The following JMJD1C variants were observed in gnomAD, a reference collection of about 807,000 sequenced individuals.
JMJD1C encodes the protein jumonji domain-containing protein 1C.
Under a neutral mutation model 245.3 loss-of-function variants are expected in JMJD1C, and 31 were observed. The ratio of observed to expected loss-of-function variants is 0.13; its 90% CI spans 0.09 to 0.17. The LOEUF (loss-of-function observed/expected upper bound fraction) is 0.17, where lower values mean the gene tolerates loss of function less well. Among genes scored for constraint, JMJD1C ranks in the 10% least tolerant of loss-of-function variants. The pLI, the probability that JMJD1C is intolerant of heterozygous loss-of-function variation, is 1.00. For missense variants in JMJD1C, 2,691 were observed against 3,000.2 expected (o/e 0.90, Z 2.41); for synonymous variants, 1,057 against 1,017.4 (o/e 1.04, Z -0.74).
At chr10:63,250,979 G>C (rs1199135197) in intron 3 of JMJD1C, among the ~76,000 whole-genome samples, 1 of 152,172 alleles carries the variant, frequency 6.6e-6, no homozygotes, top group East Asian at 1.9e-4. Flanking sequence ...CTAGCCTCAA[G>C]TGATCCTCCT....
chr10:63,283,618 C>T (rs1298175417), intron 2 of JMJD1C, among the ~76,000 whole-genome samples: 1 of 152,120 alleles, frequency 6.6e-6, no homozygotes, highest in African/African-American at 2.4e-5. Flanking sequence ...GCACCCACCT[C>T]GGCCTCCCGA....
At chr10:63,269,587 A>T (rs527237250) in intron 2 of JMJD1C, among the ~76,000 whole-genome samples, 1 of 152,364 alleles carries the variant, frequency 6.6e-6, no homozygotes, top group African/African-American at 2.4e-5. Flanking sequence ...CGATTTATTT[A>T]TTAGTATAAC....
At chr10:63,213,111 G>C (rs901504455) in intron 8 of JMJD1C, among the ~76,000 whole-genome samples, 4 of 150,256 alleles carry the variant, frequency 2.7e-5, no homozygotes, top group African/African-American at 9.8e-5. Context: ...GCTTGAACCT[G>C]GGAGGCAGAG....
At chr10:63,397,896 CATAA>C (rs1017362003) in intron 1 of JMJD1C, among the ~76,000 whole-genome samples, 1 of 152,204 alleles carries the variant, frequency 6.6e-6, no homozygotes, top group Non-Finnish European at 1.5e-5. Flanking sequence ...AATTAAAGTT[CATAA>C]ATAATTATTC....
intron 1 of JMJD1C, among the ~76,000 whole-genome samples, chr10:63,448,266 C>G (rs1450677808): frequency 3.3e-5 from 5 of 152,158 alleles, no homozygotes; most frequent in African/African-American, 1.2e-4. Flanking sequence ...ATGGGATTCT[C>G]TTGCCTCAGC....
At chr10:63,200,231 GAATA>G (rs1381242483) in intron 11 of JMJD1C, among the ~76,000 whole-genome samples, 3 of 152,058 alleles carry the variant, frequency 2.0e-5, no homozygotes, top group Non-Finnish European at 4.4e-5. Flanking sequence ...TTCTCATTAA[GAATA>G]AATCTCTCAG....
rs1842860255 is a variant in JMJD1C at position 63,176,360 on chromosome 10, T to A, written c.7338A>T (p.Arg2446Ser). The A allele has an allele frequency of 6.2e-7, 1 of 1,614,062 alleles. No individual in the cohort carries two copies. The highest frequency in any genetic ancestry group is 1.1e-5 in the South Asian group (1 of 91,082). Reference protein sequence around the residue: ...RQRLLEEYGVRTCTLIQFLGD... With the variant: ...RQRLLEEYGVSTCTLIQFLGD... ...CAAGGAACTGAATAAGAGTACAGGT[T>A]CTGACTCCATATTCTTCAAGCAGCC... is the stretch of plus-strand genomic sequence containing the variant. Residue 2446 changes from arginine (R) to serine (S), a missense_variant, in exon 24 of 26, where the codon AGA (arginine) becomes AGT (serine). Around this residue, in one of 9 missense-constraint regions of JMJD1C, gnomAD observed 232 missense variants for 416.1 expected, o/e 0.56. Transcript: ENST00000399262.
At chr10:63,271,040 TCA>T (rs923250560) in intron 2 of JMJD1C, among the ~76,000 whole-genome samples, 6 of 152,196 alleles carry the variant, frequency 3.9e-5, no homozygotes, top group African/African-American at 1.4e-4. Flanking sequence ...TGAAATGGTT[TCA>T]GTTTTATTGT....
At chr10:63,511,331 A>G (rs969285455) in intron 1 of JMJD1C, among the ~76,000 whole-genome samples, 5 of 152,160 alleles carry the variant, frequency 3.3e-5, no homozygotes, top group South Asian at 4.1e-4. Flanking sequence ...TGGCATATTG[A>G]TTATACAGTT....
intron 5 of JMJD1C, among the ~76,000 whole-genome samples, chr10:63,216,651 A>G (rs1848017699): frequency 6.6e-6 from 1 of 152,184 alleles, no homozygotes; most frequent in South Asian, 2.1e-4. Context: ...TGGAGCTTAC[A>G]GTGAGCCGAG....
chr10:63,294,288 T>C (rs1484179205), intron 2 of JMJD1C, among the ~76,000 whole-genome samples: 1 of 151,970 alleles, frequency 6.6e-6, no homozygotes, highest in Admixed American at 6.6e-5. Context: ...AATCTTTTTT[T>C]TTTTTTTAAT....
chr10:63,385,580 G>C (rs1351717917), intron 1 of JMJD1C, among the ~76,000 whole-genome samples: 1 of 151,394 alleles, frequency 6.6e-6, no homozygotes, highest in African/African-American at 2.4e-5. Context: ...TGGGACTACA[G>C]GTGCATGTTA....
intron 2 of JMJD1C, among the ~76,000 whole-genome samples, chr10:63,348,583 AG>A (rs1287282490): frequency 6.6e-6 from 1 of 152,186 alleles, no homozygotes; most frequent in African/African-American, 2.4e-5. Flanking sequence ...GGAGATAATA[AG>A]GATGTTGTGA....
intron 3 of JMJD1C, among the ~76,000 whole-genome samples, chr10:63,228,861 T>C (rs1849620630): frequency 6.6e-6 from 1 of 152,198 alleles, no homozygotes; most frequent in Non-Finnish European, 1.5e-5. Flanking sequence ...CCTGATTTAT[T>C]CTGGACAATG....
chr10:63,438,227 G>GA (rs888519356), intron 1 of JMJD1C, among the ~76,000 whole-genome samples: 3 of 151,608 alleles, frequency 2.0e-5, no homozygotes, highest in Non-Finnish European at 2.9e-5. Flanking sequence ...ATTCTCATCT[G>GA]AAAAAAAATG....
chr10:63,371,518 T>G (rs192434728), intron 2 of JMJD1C, among the ~76,000 whole-genome samples: 3 of 152,184 alleles, frequency 2.0e-5, no homozygotes, highest in Non-Finnish European at 2.9e-5. Context: ...AAACCTTTCA[T>G]TTTTTTAATC....
Position 63,507,487 on chromosome 10 carries a change from T to C in JMJD1C, n.113+14251A>G, listed in dbSNP as rs141454928. Among the ~76,000 whole-genome samples the C allele has an allele frequency of 1.3e-3, 199 of 151,238 alleles. 1 individual carries two copies. In the South Asian group the frequency reaches 0.019, roughly 15 times the overall value. On this transcript the variant is annotated intron_variant and non_coding_transcript_variant, in intron 1 of 3. Transcript: ENST00000633035. ...GGTGAAAGCCTGTCTCTACTAAAAA[T>C]ACAAAAAATTAGCCAGGAGTGGTGG...
chr10:63,421,533 A>G (rs1344503386), intron 1 of JMJD1C, among the ~76,000 whole-genome samples: 1 of 152,166 alleles, frequency 6.6e-6, no homozygotes, highest in Non-Finnish European at 1.5e-5. Flanking sequence ...CTTCAGAATG[A>G]TTAGTTGAGT....
intron 1 of JMJD1C, among the ~76,000 whole-genome samples, chr10:63,495,801 G>A (rs1001114199): frequency 6.7e-6 from 1 of 150,070 alleles, no homozygotes; most frequent in Admixed American, 6.6e-5. Context: ...AAAGAATGAA[G>A]CATTTATCCT....
Sources: gnomAD v4.1 joint callset for allele counts (sites outside exome capture counted in the v4.1 genomes callset) on GRCh38, gnomAD v4.1.1 for gene constraint, gnomAD v4.1.1 regional missense constraint, MANE v1.5 for transcripts, NCBI Gene and HGNC (gene_info 2026-07-23, HGNC 2026-07-21) for gene names.